Variants in ASTN1 observed in about 807,000 individuals in gnomAD.
The protein encoded by ASTN1 is astrotactin-1.
Under a neutral mutation model 140.7 loss-of-function variants are expected in ASTN1, and 41 were observed. The observed-to-expected ratio is 0.29, with a 90% CI of 0.23 to 0.38. The LOEUF (loss-of-function observed/expected upper bound fraction) is 0.38, where lower values mean the gene tolerates loss of function less well. Ranked by LOEUF, ASTN1 falls within the 10% of genes least tolerant of loss-of-function variation. The pLI, the probability that ASTN1 is intolerant of heterozygous loss-of-function variation, is 1.00. For missense variants in ASTN1, 1,479 were observed against 1,678.8 expected (o/e 0.88, Z 2.08); for synonymous variants, 640 against 652.2 (o/e 0.98, Z 0.29).
chr1:176,904,998 GCT>G (rs1285439046), intron 16 of ASTN1, among the ~76,000 whole-genome samples: 2 of 152,306 alleles, frequency 1.3e-5, no homozygotes, highest in South Asian at 2.1e-4. Context: ...GCCCAGCAAT[GCT>G]CTCTTTATGA....
At chr1:176,886,020 AT>A (rs776326519) in intron 18 of ASTN1, among the ~76,000 whole-genome samples, 2 of 152,248 alleles carry the variant, frequency 1.3e-5, no homozygotes, top group East Asian at 1.9e-4. Context: ...TTAGAGTCAT[AT>A]GCAGAGTGCT....
At chr1:176,935,763 C>G (rs889660501) in intron 15 of ASTN1, among the ~76,000 whole-genome samples, 1 of 147,776 alleles carries the variant, frequency 6.8e-6, no homozygotes, top group African/African-American at 2.5e-5. Context: ...CTCTCTCTTT[C>G]TCTCTCTCTC....
At chr1:176,870,941 A>G (rs1329428167) in intron 21 of ASTN1, among the ~76,000 whole-genome samples, 1 of 152,220 alleles carries the variant, frequency 6.6e-6, no homozygotes, top group African/African-American at 2.4e-5. Context: ...ATAAATGAGA[A>G]GATTTGGGAA....
chr1:177,032,375 T>G (rs1465733851), intron 3 of ASTN1, 81 bp downstream of exon 3: 1 of 1,523,278 alleles, frequency 6.6e-7, no homozygotes, highest in East Asian at 2.3e-5. Flanking sequence ...AACCAGCTGT[T>G]GTCACACAGC....
intron 14 of ASTN1, among the ~76,000 whole-genome samples, chr1:176,940,059 C>A (rs1671650603): frequency 6.6e-6 from 1 of 152,168 alleles, no homozygotes; most frequent in East Asian, 1.9e-4. Flanking sequence ...TAAACCTTCA[C>A]ACAGATTTAA....
intron 22 of ASTN1, among the ~76,000 whole-genome samples, chr1:176,867,752 T>A (rs953868566): frequency 6.6e-6 from 1 of 152,204 alleles, no homozygotes; most frequent in Non-Finnish European, 1.5e-5. Flanking sequence ...CTGGGAAAGT[T>A]TATAACTGCA....
At chr1:177,091,787 T>C (rs2102104913) in intron 1 of ASTN1, among the ~76,000 whole-genome samples, 1 of 152,214 alleles carries the variant, frequency 6.6e-6, no homozygotes, top group South Asian at 2.1e-4. Flanking sequence ...ATAAATGGAG[T>C]TCTATAATAT....
At chr1:177,072,467 A>ACCT (rs1678688732) in intron 1 of ASTN1, among the ~76,000 whole-genome samples, 1 of 152,074 alleles carries the variant, frequency 6.6e-6, no homozygotes. Context: ...GGTTAAGATG[A>ACCT]CCTCTAAATG....
chr1:177,015,778 C>T (rs1675515895), intron 7 of ASTN1, among the ~76,000 whole-genome samples: 1 of 152,096 alleles, frequency 6.6e-6, no homozygotes, highest in Admixed American at 6.6e-5. Flanking sequence ...AGAATCATTG[C>T]TCTATTTACT....
intron 1 of ASTN1, among the ~76,000 whole-genome samples, chr1:177,134,327 C>G (rs1327335705): frequency 2.6e-5 from 4 of 152,184 alleles, no homozygotes; most frequent in Non-Finnish European, 5.9e-5. Context: ...TACTCCTGCT[C>G]CATTGCACGG....
At chr1:176,967,883 C>G (rs1258616883) in intron 8 of ASTN1, among the ~76,000 whole-genome samples, 1 of 151,454 alleles carries the variant, frequency 6.6e-6, no homozygotes, top group Non-Finnish European at 1.5e-5. Context: ...CATTTAGAGG[C>G]AGGAGTGCAG....
intron 8 of ASTN1, among the ~76,000 whole-genome samples, chr1:176,984,427 G>A (rs987286594): frequency 3.9e-5 from 6 of 152,212 alleles, no homozygotes; most frequent in Admixed American, 2.0e-4. Context: ...TTGTAAGGTA[G>A]TGAGGTTGCC....
chr1:177,153,271 G>A (rs1683114640), intron 1 of ASTN1, among the ~76,000 whole-genome samples: 2 of 152,102 alleles, frequency 1.3e-5, no homozygotes, highest in South Asian at 4.1e-4. Flanking sequence ...TATCTTACCA[G>A]GTAATCTCTG....
At position 176,956,652 on chromosome 1, in the gene ASTN1, C is replaced by T. The variant is rs183884104; in HGVS notation, c.1887+1026G>A. ...TGCTGTCAATCTGAATGGCTTTCCT[C>T]CCTGCCTCCCCTGACCCATTCCCTC... On this transcript the variant is annotated intron_variant, in intron 11 of 22. Coordinates refer to ENST00000361833, the MANE Select transcript of ASTN1 (RefSeq NM_004319.3). Among the ~76,000 whole-genome samples, 7 of 152,310 alleles carry T rather than the reference C, an allele frequency of 4.6e-5. No homozygotes were observed. In the East Asian group the frequency reaches 1.4e-3, roughly 29 times the overall value.
chr1:176,925,300 G>A (rs796934431), intron 16 of ASTN1, among the ~76,000 whole-genome samples: 50 of 152,254 alleles, frequency 3.3e-4, no homozygotes, highest in African/African-American at 1.2e-3. Flanking sequence ...AGAAAAGACA[G>A]TAAGAGAACA....
chr1:177,095,852 C>G (rs1294223389), intron 1 of ASTN1, among the ~76,000 whole-genome samples: 1 of 152,180 alleles, frequency 6.6e-6, no homozygotes, highest in East Asian at 1.9e-4. Flanking sequence ...CAGCCCCAGG[C>G]AAGTGACTCC....
chr1:176,994,929 T>C (rs1032706741), intron 8 of ASTN1, among the ~76,000 whole-genome samples: 2 of 152,190 alleles, frequency 1.3e-5, no homozygotes, highest in Non-Finnish European at 2.9e-5. Flanking sequence ...TAAATGTTTA[T>C]TAAATGAATA....
chr1:177,049,625 G>A (rs1460112967), intron 2 of ASTN1, among the ~76,000 whole-genome samples: 1 of 152,162 alleles, frequency 6.6e-6, no homozygotes, highest in Non-Finnish European at 1.5e-5. Flanking sequence ...AAAGCTTCCT[G>A]ACTTCAAATC....
In ASTN1 at chr1:176,864,196, A is replaced by C; in HGVS notation, c.*88T>G. 5 of 1,521,064 alleles carry C rather than the reference A, an allele frequency of 3.3e-6. No homozygotes were observed. Among genetic ancestry groups the C allele is most frequent in the Non-Finnish European group, 4.4e-6 (5 of 1,141,364 alleles). 94.2% of individuals were successfully genotyped at this position (1,521,064 alleles called of 1,614,324 possible). ...GCTGTGGAGGTTTTCATGTTCCATT[A>C]AAAAATATTAAAAATCCACAGACCA... On this transcript the variant is annotated 3_prime_UTR_variant, in exon 23 of 23. Transcript: ENST00000361833.
Sources: gnomAD v4.1 joint callset for allele counts (sites outside exome capture counted in the v4.1 genomes callset) on GRCh38, gnomAD v4.1.1 for gene constraint, MANE v1.5 for transcripts, NCBI Gene and HGNC (gene_info 2026-07-23, HGNC 2026-07-21) for gene names.